The following UAP1 variants were observed in gnomAD, a reference collection of about 807,000 sequenced individuals.
UAP1 encodes the protein UDP-N-acetylglucosamine pyrophosphorylase 1, also known as UDP-N-acetylhexosamine pyrophosphorylase.
In UAP1, 25 loss-of-function variants were observed where a neutral mutation model predicts 58.5. The observed-to-expected ratio is 0.43, with a 90% CI of 0.31 to 0.60. UAP1 has a LOEUF of 0.60. Ranked by LOEUF, UAP1 falls within the 20% of genes least tolerant of loss-of-function variation. The pLI, the probability that UAP1 is intolerant of heterozygous loss-of-function variation, is 0.11. For missense variants in UAP1, 575 were observed against 630.0 expected (o/e 0.91, Z 0.93); for synonymous variants, 208 against 213.0 (o/e 0.98, Z 0.21).
At chr1:162,592,972 A>G (rs1483002491) in intron 9 of UAP1, 190 bp downstream of exon 9, 7 of 572,106 alleles carry the variant, frequency 1.2e-5, no homozygotes, top group Admixed American at 9.5e-5. Flanking sequence ...ATCTTGTTGC[A>G]TGCTGGAAAT....
At position 162,576,995 on chromosome 1, in the gene UAP1, C is replaced by T. The variant is rs367819932; in HGVS notation, c.485+14C>T. The T allele has an allele frequency of 3.1e-6, 5 of 1,611,092 alleles. No individual in the cohort carries two copies. The highest frequency in any genetic ancestry group is 1.7e-5 in the Admixed American group (1 of 59,992). On this transcript the variant is annotated intron_variant, in intron 3 of 10. Coordinates refer to ENST00000271469, the Ensembl canonical transcript of UAP1. Reference sequence around the variant, plus strand: ...CATTATTCCATGGTAAGATACGTCTCATTATTGGAGTGTGTCTGAACATAT... The same window carrying T: ...CATTATTCCATGGTAAGATACGTCTTATTATTGGAGTGTGTCTGAACATAT...
chr1:162,597,663 A>G, intron 9 of UAP1, 129 bp from the exon 10 acceptor site: 1 of 695,716 alleles, frequency 1.4e-6, no homozygotes, highest in Non-Finnish European at 2.5e-6. Flanking sequence ...TCAGGGTAGC[A>G]TCTATTCCAT....
intron 9 of UAP1, among the ~76,000 whole-genome samples, chr1:162,595,540 C>T (rs1040764280): frequency 1.3e-5 from 2 of 152,042 alleles, no homozygotes; most frequent in African/African-American, 2.4e-5. Context: ...AGGTGTGTGC[C>T]CCACTATGCC....
At chr1:162,565,882 T>A (rs1418271305) in intron 1 of UAP1, 130 bp from the exon 2 acceptor site, 2 of 609,368 alleles carry the variant, frequency 3.3e-6, no homozygotes, top group Non-Finnish European at 5.7e-6. Context: ...CTTACAAATA[T>A]TGAGTGATGG....
chr1:162,599,206 C>T, intron 10 of UAP1, 65 bp from the exon 11 acceptor site: 1 of 982,850 alleles, frequency 1.0e-6, no homozygotes, highest in Non-Finnish European at 1.6e-6. Context: ...ATCATTATAG[C>T]AAGTCCAGCA....
At chr1:162,580,257 G>A (rs373236170) in intron 4 of UAP1, among the ~76,000 whole-genome samples, 1 of 152,200 alleles carries the variant, frequency 6.6e-6, no homozygotes. Flanking sequence ...TTTAATAAAT[G>A]AGAGGCTAAA....
At chr1:162,592,862 C>G in intron 9 of UAP1, 80 bp downstream of exon 9, 3 of 1,322,560 alleles carry the variant, frequency 2.3e-6, no homozygotes, top group Non-Finnish European at 3.2e-6. Flanking sequence ...TAGTTTAGTG[C>G]TCTGCCTTTT....
At position 162,585,256 on chromosome 1, in the gene UAP1, A is replaced by C. The variant is rs564334577; in HGVS notation, c.835-2219A>C. Among the ~76,000 whole-genome samples the C allele has an allele frequency of 3.9e-5, 4 of 102,514 alleles. 1 individual carries two copies. In the South Asian group the frequency reaches 1.2e-3, roughly 31 times the overall value. The allele number at this position is 102,514 out of a possible 152,430, so 67.3% of individuals were successfully genotyped here. On this transcript the variant is annotated intron_variant, in intron 5 of 10. Coordinates refer to ENST00000271469, the Ensembl canonical transcript of UAP1. ...TACACCTTTTAAGTTTATACTGTAT[A>C]TCTTTTTTTTTTTTTCTGAGATAAG...
At chr1:162,577,483 C>T (rs571772391) in intron 3 of UAP1, among the ~76,000 whole-genome samples, 28 of 118,192 alleles carry the variant, frequency 2.4e-4, no homozygotes, top group African/African-American at 4.3e-4. Flanking sequence ...GGGTCTGTCT[C>T]GGTCACCCAG....
chr1:162,579,420 C>T lies in UAP1; in HGVS notation c.486-8C>T. The T allele has an allele frequency of 6.7e-7, 1 of 1,497,418 alleles. No individual in the cohort carries two copies. The highest frequency in any genetic ancestry group is 8.9e-7 in the Non-Finnish European group (1 of 1,119,936). The allele number at this position is 1,497,418 out of a possible 1,614,324, so 92.8% of individuals were successfully genotyped here. On this transcript the variant is annotated splice_region_variant and splice_polypyrimidine_tract_variant and intron_variant, in intron 3 of 10. Transcript: ENST00000271469. ...GGTTGCTTAGAAGATCTGATTTTCT[C>T]TTGTAAGGTATATAATGACCAGTGG... is the stretch of plus-strand genomic sequence containing the variant.
chr1:162,582,776 A>G (rs753687642), intron 5 of UAP1, among the ~76,000 whole-genome samples: 2 of 152,242 alleles, frequency 1.3e-5, no homozygotes, highest in Non-Finnish European at 2.9e-5. Context: ...AAGATCTGCC[A>G]AAGAAGTTAT....
At chr1:162,581,078 T>C (rs1654558490) in intron 4 of UAP1, among the ~76,000 whole-genome samples, 3 of 152,246 alleles carry the variant, frequency 2.0e-5, no homozygotes, top group Admixed American at 2.0e-4. Flanking sequence ...GATAGTGTTA[T>C]TCTCTGGATA....
At chr1:162,588,642 G>A (rs1197616084) in intron 6 of UAP1, 51 bp from the exon 7 acceptor site, 2 of 1,564,576 alleles carry the variant, frequency 1.3e-6, no homozygotes, top group South Asian at 1.2e-5. Context: ...AAGATTTTCT[G>A]GCATTTTAAA....
At chr1:162,576,896 A>T (rs1654219765) in exon 3 of UAP1, 1 of 1,614,026 alleles carries the variant, frequency 6.2e-7, no homozygotes, top group South Asian at 1.1e-5. Context: ...ATCCCGTAAG[A>T]CACTTTTTCA....
intron 2 of UAP1, among the ~76,000 whole-genome samples, chr1:162,567,227 C>A (rs778187602): frequency 7.2e-5 from 11 of 152,022 alleles, no homozygotes; most frequent in Non-Finnish European, 1.2e-4. Flanking sequence ...CTTTTGTGTC[C>A]CAAGTTAGAA....
chr1:162,589,132 ATTTATATATTTATAT>A (rs1557977280), intron 7 of UAP1, among the ~76,000 whole-genome samples: 1,205 of 108,386 alleles, frequency 0.011, 29 homozygotes, highest in African/African-American at 0.043. Context: ...TATATATATA[ATTTATATATTTATAT>A]AATATATATT....
rs1653507631 is a variant in UAP1, at chr1:162,566,366, A to G, written c.280+18A>G. On this transcript the variant is annotated intron_variant, in intron 2 of 10. Transcript: ENST00000271469. ...AAGTGAAGGTACTGGGCATGTACAT[A>G]TTTCTTACTGAAGTTTATTTGAGAT... 2 of 1,589,980 alleles carry G rather than the reference A, an allele frequency of 1.3e-6. No individual in the cohort carries two copies. The highest frequency in any genetic ancestry group is 1.8e-5 in the Admixed American group (1 of 54,790).
exon 11 of UAP1, chr1:162,599,454 A>C: frequency 1.3e-6 from 1 of 784,096 alleles, no homozygotes; most frequent in Non-Finnish European, 2.1e-6. Flanking sequence ...GGACAACTGA[A>C]GTTTAAATAT....
rs374652819 is a variant in UAP1, at chr1:162,588,675, T to A, written c.1029-18T>A. On this transcript the variant is annotated intron_variant, in intron 6 of 10. Coordinates refer to ENST00000271469, the Ensembl canonical transcript of UAP1. ...AAATCTGGAACGTGATTATATCTTT[T>A]CTCCTCCTGCTTCTTAGTGTTTATG... The A allele has an allele frequency of 1.9e-6, 3 of 1,591,990 alleles. No individual in the cohort carries two copies. The African/African-American group carries it at 4.1e-5, about 22-fold the overall frequency.
Sources: allele counts gnomAD v4.1 joint callset (sites outside exome capture counted in the v4.1 genomes callset), GRCh38; gene constraint gnomAD v4.1.1; transcripts MANE v1.5; gene names NCBI Gene and HGNC (gene_info 2026-07-23, HGNC 2026-07-21).